Variants in PDZD2 observed in about 807,000 individuals in gnomAD.
PDZD2 encodes the protein PDZ domain-containing protein 2.
Under a neutral mutation model 220.7 loss-of-function variants are expected in PDZD2, and 90 were observed. The observed-to-expected ratio is 0.41, with a 90% CI of 0.34 to 0.49. The LOEUF is 0.49. Among genes scored for constraint, PDZD2 ranks in the 20% least tolerant of loss-of-function variants. The pLI is 0.28. For missense variants in PDZD2, 3,174 were observed against 3,608.5 expected (o/e 0.88, Z 3.08); for synonymous variants, 1,375 against 1,450.5 (o/e 0.95, Z 1.18).
chr5:32,098,099 A>G lies in PDZD2; in HGVS notation c.7948-265A>G, dbSNP rs1289858124. Among the ~76,000 whole-genome samples, 2 of 152,064 alleles carry G rather than the reference A, an allele frequency of 1.3e-5. No homozygotes were observed. The highest frequency in any genetic ancestry group is 2.9e-5 in the Non-Finnish European group (2 of 68,010). The stretch of plus-strand genomic sequence containing the variant: ...TGAAACCCTGTCCGTCTCTCCTAAC[A>G]ATACAAAAATTAACTTGGCATAGTG... On this transcript the variant is annotated intron_variant, in intron 22 of 24. Coordinates refer to ENST00000438447, the MANE Select transcript of PDZD2 (RefSeq NM_178140.4). This position sits in a 1 kb window ranked among gnomAD's most constrained non-coding sequence, Gnocchi z 4.1.
intron 2 of PDZD2, among the ~76,000 whole-genome samples, chr5:31,915,881 G>T (rs937528340): frequency 6.6e-6 from 1 of 152,126 alleles, no homozygotes; most frequent in African/African-American, 2.4e-5. Context: ...GCTTTGTTCC[G>T]AAATCTTTTA....
At chr5:31,728,099 T>C (rs7710779) in intron 1 of PDZD2, among the ~76,000 whole-genome samples, 62,660 of 151,700 alleles carry the variant, frequency 0.41, 13,208 homozygotes, top group African/African-American at 0.5. Flanking sequence ...TCTTCTCTGA[T>C]TCTAAAGCAT....
rs561529741 is a variant in PDZD2 at position 32,108,362 on chromosome 5, G to A, written c.*227G>A. 8.8e-5 allele frequency: 31 copies of A among 351,520 alleles called. No homozygotes were observed. Among genetic ancestry groups the A allele is most frequent in the Admixed American group, 2.3e-4 (5 of 22,028 alleles). The allele number at this position is 351,520 out of a possible 1,614,324, so 21.8% of individuals were successfully genotyped here. A position where few individuals can be genotyped will look rare whatever the true frequency, so the allele number is the denominator to read the frequency against. On this transcript the variant is annotated 3_prime_UTR_variant, in exon 25 of 25. Coordinates refer to ENST00000438447, the MANE Select transcript of PDZD2 (RefSeq NM_178140.4). ...TCACCCAGGCCGGGAGGGTTCCTTCGTTCCAGTGCCTGTCCCCTACCTTTA... is the reference window on the plus strand; with the variant it reads ...TCACCCAGGCCGGGAGGGTTCCTTCATTCCAGTGCCTGTCCCCTACCTTTA...
chr5:32,034,354 A>AT (rs753294040), intron 6 of PDZD2, among the ~76,000 whole-genome samples: 10,151 of 131,622 alleles, frequency 0.077, 457 homozygotes, highest in African/African-American at 0.11. Flanking sequence ...GGAACCAGGA[A>AT]TTTTTTTTTT....
In PDZD2 at chr5:32,108,390, T is replaced by G. The variant is rs1480400103; in HGVS notation, c.*255T>G. 3.6e-6 allele frequency: 1 copy of G among 277,696 alleles called. No homozygotes were observed. The highest frequency in any genetic ancestry group is 6.3e-5 in the East Asian group (1 of 15,914). 17.2% of individuals were successfully genotyped at this position (277,696 alleles called of 1,614,324 possible). A position where few individuals can be genotyped will look rare whatever the true frequency, so the allele number is the denominator to read the frequency against. ...CCAGTGCCTGTCCCCTACCTTTATG[T>G]TATGTTTACTGATGGGGATACAAGA... On this transcript the variant is annotated 3_prime_UTR_variant, in exon 25 of 25. Coordinates refer to ENST00000438447, the MANE Select transcript of PDZD2 (RefSeq NM_178140.4).
chr5:31,877,778 C>T (rs1271251580), intron 2 of PDZD2, among the ~76,000 whole-genome samples: 2 of 152,192 alleles, frequency 1.3e-5, no homozygotes, highest in African/African-American at 4.8e-5. Context: ...CAACCTCTCC[C>T]TCCCGGGTTC....
chr5:31,686,647 G>A (rs1337063233), intron 1 of PDZD2, among the ~76,000 whole-genome samples: 14 of 152,286 alleles, frequency 9.2e-5, no homozygotes, highest in Admixed American at 5.2e-4. Flanking sequence ...GATTACAGGC[G>A]TGAGCCACCG....
intron 2 of PDZD2, among the ~76,000 whole-genome samples, chr5:31,858,768 G>T (rs1001636628): frequency 3.3e-5 from 5 of 151,772 alleles, no homozygotes; most frequent in Admixed American, 6.6e-5. Context: ...GCCCAGGCTG[G>T]AGTGTAGTGG....
At chr5:31,669,123 A>T (rs1052494605) in intron 1 of PDZD2, among the ~76,000 whole-genome samples, 6 of 151,712 alleles carry the variant, frequency 4.0e-5, no homozygotes, top group African/African-American at 1.5e-4. Context: ...ACAAATAATT[A>T]TCCAGGCCAT....
chr5:31,756,893 C>A (rs1477164772), intron 1 of PDZD2, among the ~76,000 whole-genome samples: 1 of 152,234 alleles, frequency 6.6e-6, no homozygotes, highest in Non-Finnish European at 1.5e-5. Context: ...GTTAATTAAG[C>A]AAATATGAAT....
intron 1 of PDZD2, among the ~76,000 whole-genome samples, chr5:31,743,569 A>G (rs1383167371): frequency 6.6e-6 from 1 of 152,170 alleles, no homozygotes. Context: ...AAAATAATAA[A>G]TAAATTGCTC....
chr5:31,741,143 G>T, intron 1 of PDZD2, among the ~76,000 whole-genome samples: 1 of 151,896 alleles, frequency 6.6e-6, no homozygotes, highest in East Asian at 1.9e-4. Flanking sequence ...AAGACCCCTT[G>T]TACAAGCTTT....
At chr5:31,752,317 G>C (rs1435877337) in intron 1 of PDZD2, among the ~76,000 whole-genome samples, 2 of 151,924 alleles carry the variant, frequency 1.3e-5, no homozygotes, top group Admixed American at 6.6e-5. Context: ...GGGAGGCCAG[G>C]GCAGGCGAAT....
chr5:31,879,345 C>G, intron 2 of PDZD2, among the ~76,000 whole-genome samples: 1 of 150,380 alleles, frequency 6.6e-6, no homozygotes, highest in Non-Finnish European at 1.5e-5. Flanking sequence ...ATAGATCGTG[C>G]CATTGCACTC....
intron 1 of PDZD2, among the ~76,000 whole-genome samples, chr5:31,739,642 A>G (rs1442919127): frequency 6.6e-6 from 1 of 152,256 alleles, no homozygotes; most frequent in African/African-American, 2.4e-5. Flanking sequence ...GTAAGCCATG[A>G]TACCAGCCAT....
intron 2 of PDZD2, among the ~76,000 whole-genome samples, chr5:31,903,981 C>T (rs1742391171): frequency 6.6e-6 from 1 of 151,764 alleles, no homozygotes; most frequent in South Asian, 2.1e-4. Flanking sequence ...GTCTCAGCCT[C>T]CCAAAGTGCC....
At chr5:31,915,122 C>T (rs1743568269) in intron 2 of PDZD2, among the ~76,000 whole-genome samples, 1 of 152,102 alleles carries the variant, frequency 6.6e-6, no homozygotes, top group Non-Finnish European at 1.5e-5. Context: ...TGGGTGTTTC[C>T]AGAACTGTGC....
intron 1 of PDZD2, among the ~76,000 whole-genome samples, chr5:31,707,868 T>G (rs1747901373): frequency 6.6e-6 from 1 of 152,168 alleles, no homozygotes; most frequent in Non-Finnish European, 1.5e-5. Context: ...CCTCAAGTGA[T>G]CCTTCCGCCT....
chr5:31,834,883 TA>T (rs1477954635), intron 2 of PDZD2, among the ~76,000 whole-genome samples: 2 of 149,552 alleles, frequency 1.3e-5, no homozygotes, highest in African/African-American at 4.9e-5. Context: ...TAAAGTATAA[TA>T]AAAATATATA....
Sources: gnomAD v4.1 joint callset for allele counts (sites outside exome capture counted in the v4.1 genomes callset) on GRCh38, gnomAD v4.1.1 for gene constraint, Gnocchi (gnomAD v3.1) non-coding constraint, MANE v1.5 for transcripts, NCBI Gene and HGNC (gene_info 2026-07-23, HGNC 2026-07-21) for gene names.